TULP3: variants seen among roughly 807,000 people sequenced by gnomAD.
The protein encoded by TULP3 is TUB like protein 3, also known as tubby-related protein 3.
In TULP3, 38 loss-of-function variants were observed where a neutral mutation model predicts 50.7. That is an observed-to-expected ratio of 0.75 (90% CI 0.58 to 0.98). TULP3 has a LOEUF of 0.98. Ranked by LOEUF, TULP3 falls within the 50% of genes least tolerant of loss-of-function variation. The pLI is 0.00. For missense variants in TULP3, 550 were observed against 568.0 expected, an observed-to-expected ratio of 0.97 and a Z score of 0.32; for synonymous variants, 183 against 196.6, an observed-to-expected ratio of 0.93 and a Z score of 0.58.
intron 2 of TULP3, among the ~76,000 whole-genome samples, chr12:2,914,873 TC>T (rs573628816): frequency 1.8e-4 from 27 of 152,246 alleles, no homozygotes; most frequent in African/African-American, 6.0e-4. Context: ...CCTCAAGTGA[TC>T]CAGCCACCTT....
intron 1 of TULP3, among the ~76,000 whole-genome samples, chr12:2,899,620 G>T (rs1440050351): frequency 6.6e-6 from 1 of 151,722 alleles, no homozygotes; most frequent in Non-Finnish European, 1.5e-5. Context: ...GGGGCCGGGC[G>T]TGGTGGCTCA....
intron 1 of TULP3, among the ~76,000 whole-genome samples, chr12:2,898,761 C>T (rs1350157216): frequency 3.3e-5 from 5 of 152,080 alleles, no homozygotes; most frequent in Non-Finnish European, 7.4e-5. Flanking sequence ...CCCACAACAG[C>T]CTTGAACTCC....
intron 4 of TULP3, among the ~76,000 whole-genome samples, chr12:2,926,407 G>C (rs550973497): frequency 1.2e-4 from 19 of 152,180 alleles, no homozygotes; most frequent in Admixed American, 1.2e-3. Flanking sequence ...ACTTGAGCCC[G>C]GGAAGTTGAG....
chr12:2,893,350 C>CG lies in TULP3; in HGVS notation c.41+2364dup, dbSNP rs1336961323. ...GTGTTTTTTTTTTTTTTTTTCCAAACGGAGTTTCGCTCTCGTCGCCCAGGC... is the reference window on the plus strand; with the variant it reads ...GTGTTTTTTTTTTTTTTTTTCCAAACGGGAGTTTCGCTCTCGTCGCCCAGGC... On this transcript the variant is annotated intron_variant, in intron 1 of 10. Coordinates refer to ENST00000448120, the MANE Select transcript of TULP3 (RefSeq NM_003324.5). Among the ~76,000 whole-genome samples the CG allele has an allele frequency of 6.2e-5, 8 of 129,296 alleles. No homozygotes were observed. In the East Asian group the frequency reaches 2.0e-3, roughly 33 times the overall value. 84.8% of individuals were successfully genotyped at this position (129,296 alleles called of 152,430 possible).
intron 3 of TULP3, among the ~76,000 whole-genome samples, chr12:2,921,446 T>G (rs949218380): frequency 1.3e-5 from 2 of 152,120 alleles, no homozygotes; most frequent in Non-Finnish European, 2.9e-5. Context: ...CGGCAAGAAC[T>G]GTTGTTTTCT....
At chr12:2,917,938 A>T (rs1462741074) in intron 2 of TULP3, among the ~76,000 whole-genome samples, 1 of 151,512 alleles carries the variant, frequency 6.6e-6, no homozygotes, top group Non-Finnish European at 1.5e-5. Flanking sequence ...ATACAAAAAA[A>T]ATTAGCTGGG....
At chr12:2,937,774 G>T in intron 9 of TULP3, 45 bp downstream of exon 9, 12 of 1,319,970 alleles carry the variant, frequency 9.1e-6, no homozygotes, top group Non-Finnish European at 1.3e-5. Context: ...CTAAAAGACA[G>T]TAGTACAATA....
At chr12:2,893,601 G>T (rs368469061) in intron 1 of TULP3, among the ~76,000 whole-genome samples, 97 of 152,168 alleles carry the variant, frequency 6.4e-4, no homozygotes, top group Admixed American at 2.7e-3. Flanking sequence ...GATTACAGGC[G>T]TGAGCCCCCC....
chr12:2,937,870 G>A, intron 9 of TULP3, 141 bp downstream of exon 9: 1 of 876,190 alleles, frequency 1.1e-6, no homozygotes, highest in South Asian at 1.9e-5. Context: ...CTTTAGGAAA[G>A]CTGCCCCTCC....
At position 2,939,370 on chromosome 12, in the gene TULP3, A is replaced by C. The variant is rs2098203346; in HGVS notation, c.1255A>C (p.Asn419His). 6.2e-7 allele frequency: 1 copy of C among 1,614,124 alleles called. No individual in the cohort carries two copies. The highest frequency in any genetic ancestry group is 1.3e-5 in the African/African-American group (1 of 74,934). Residue 419 changes from asparagine (N) to histidine (H), a missense_variant, in exon 11 of 11, where the codon AAC (asparagine) becomes CAC (histidine). Transcript: ENST00000448120. The surrounding 1 kb of genome is among the most constrained non-coding windows in gnomAD (Gnocchi z 4.0). ...VADDVFTLDY[N>H]YPLCAVQAFG... Reference sequence around the variant, plus strand: ...AGATGACGTGTTCACACTGGATTACAACTACCCACTTTGTGCAGTACAGGC... The same window carrying C: ...AGATGACGTGTTCACACTGGATTACCACTACCCACTTTGTGCAGTACAGGC...
rs555191619 is a variant in TULP3 at position 2,929,271 on chromosome 12, C to G, written c.395-977C>G. Among the ~76,000 whole-genome samples, 17 of 150,772 alleles carry G rather than the reference C, an allele frequency of 1.1e-4. No individual in the cohort carries two copies. The South Asian group carries it at 3.6e-3, about 32-fold the overall frequency. The stretch of plus-strand genomic sequence containing the variant: ...GGCGGAGCTTGCAGTGAGTCGAGAT[C>G]GCGCCACTGCGCTCCAGCCTGGGCG... On this transcript the variant is annotated intron_variant, in intron 4 of 10. Coordinates refer to ENST00000448120, the MANE Select transcript of TULP3 (RefSeq NM_003324.5).
intron 1 of TULP3, among the ~76,000 whole-genome samples, chr12:2,898,778 C>A (rs1330503265): frequency 6.6e-6 from 1 of 151,960 alleles, no homozygotes; most frequent in Non-Finnish European, 1.5e-5. Context: ...CTCCTGGGTT[C>A]AAGCAGTCCT....
chr12:2,898,549 G>A (rs2098176937), intron 1 of TULP3, among the ~76,000 whole-genome samples: 1 of 152,172 alleles, frequency 6.6e-6, no homozygotes, highest in African/African-American at 2.4e-5. Context: ...TCATTACTCA[G>A]TTTTGCTGTT....
In TULP3 at chr12:2,940,856, C is replaced by A; in HGVS notation, c.*1412C>A. On this transcript the variant is annotated 3_prime_UTR_variant, in exon 11 of 11. Transcript: ENST00000448120. ...CCAAGTGCCTCCCTCACAGCCATGC[C>A]CAGAAGCCTCACACCTCGTCACCAC... 1.2e-6 allele frequency: 1 copy of A among 821,662 alleles called. No homozygotes were observed. The highest frequency in any genetic ancestry group is 1.9e-6 in the Non-Finnish European group (1 of 534,888). The allele number at this position is 821,662 out of a possible 1,614,324, so 50.9% of individuals were successfully genotyped here.
intron 1 of TULP3, among the ~76,000 whole-genome samples, chr12:2,897,755 C>T (rs2098176382): frequency 6.9e-6 from 1 of 145,726 alleles, no homozygotes; most frequent in Non-Finnish European, 1.5e-5. Context: ...TCTGCCTGGC[C>T]CGAGACCCTG....
intron 1 of TULP3, among the ~76,000 whole-genome samples, chr12:2,898,528 G>A (rs1362778819): frequency 6.6e-6 from 1 of 152,112 alleles, no homozygotes; most frequent in Non-Finnish European, 1.5e-5. Flanking sequence ...TACAGTCTCT[G>A]TCCCAGTTGC....
rs369164770 is a variant in TULP3, at chr12:2,931,209, A to G, written c.665A>G (p.Tyr222Cys). 3.7e-6 allele frequency: 6 copies of G among 1,614,004 alleles called. No homozygotes were observed. Among genetic ancestry groups the G allele is most frequent in the Admixed American group, 1.7e-5 (1 of 59,966 alleles). The change falls in exon 6 of 11, where the codon TAT becomes TGT. Residue 222 changes from tyrosine (Y) to cysteine (C), a missense_variant. Transcript: ENST00000448120. ...GATCGGGGTCTCTTCCCCACCTACT[A>G]TATGTACTTGGAAAAAGAAGAAAAT... ...GMDRGLFPTY[Y>C]MYLEKEENQK...
chr12:2,899,895 AAAAAAAACAAAC>A (rs560365047), intron 1 of TULP3, among the ~76,000 whole-genome samples: 1 of 50,828 alleles, frequency 2.0e-5, no homozygotes, highest in Non-Finnish European at 3.7e-5. Flanking sequence ...TCCGTCTCAA[AAAAAAAACAAAC>A]AAAAAAAAAA....
At chr12:2,932,217 G>A (rs2153950293) in intron 6 of TULP3, among the ~76,000 whole-genome samples, 1 of 152,220 alleles carries the variant, frequency 6.6e-6, no homozygotes, top group East Asian at 1.9e-4. Flanking sequence ...TGCCTAATCA[G>A]AGTCTTTCCT....
Sources: allele counts gnomAD v4.1 joint callset (sites outside exome capture counted in the v4.1 genomes callset), GRCh38; gene constraint gnomAD v4.1.1; non-coding constraint Gnocchi (gnomAD v3.1); transcripts MANE v1.5; gene names NCBI Gene and HGNC (gene_info 2026-07-23, HGNC 2026-07-21).